Variants in KLF12 observed in about 807,000 individuals in gnomAD.
KLF12 encodes Krueppel-like factor 12.
In KLF12, 9 loss-of-function variants were observed where a neutral mutation model predicts 37.8. The observed-to-expected ratio is 0.24, with a 90% confidence interval of 0.14 to 0.42. The LOEUF (loss-of-function observed/expected upper bound fraction) is 0.42. KLF12 is among the 10% of genes least tolerant of loss of function. The pLI, the probability that KLF12 is intolerant of heterozygous loss-of-function variation, is 1.00. For synonymous variants in KLF12, 208 were observed against 202.1 expected (o/e 1.03, Z -0.25); for missense variants, 411 against 516.0 (o/e 0.80, Z 1.97).
At chr13:73,857,197 A>G (rs1288517124) in intron 3 of KLF12, among the ~76,000 whole-genome samples, 1 of 152,158 alleles carries the variant, frequency 6.6e-6, no homozygotes, top group African/African-American at 2.4e-5. Context: ...AACCATTTCA[A>G]TTTCATGCAA....
chr13:74,207,072 A>T, the KLF12 span, among the ~76,000 whole-genome samples: 2 of 152,172 alleles, frequency 1.3e-5, no homozygotes, highest in Non-Finnish European at 2.9e-5. Flanking sequence ...GTCTACTGTT[A>T]TGTCATCTCA....
intron 1 of KLF12, among the ~76,000 whole-genome samples, chr13:74,072,883 T>C (rs143064409): frequency 6.6e-6 from 1 of 152,268 alleles, no homozygotes; most frequent in African/African-American, 2.4e-5. Context: ...TTGATATGGT[T>C]TTGCTGTGTC....
chr13:74,082,197 G>A (rs998844431), intron 1 of KLF12, among the ~76,000 whole-genome samples: 4 of 139,606 alleles, frequency 2.9e-5, no homozygotes, highest in Admixed American at 1.5e-4. Context: ...GCCAGGTGTG[G>A]TGGTGCGTAC....
At chr13:74,223,971 A>AATGGAGAACT in the KLF12 span, among the ~76,000 whole-genome samples, 1 of 152,214 alleles carries the variant, frequency 6.6e-6, no homozygotes, top group Non-Finnish European at 1.5e-5. Flanking sequence ...TTCATTTGCT[A>AATGGAGAACT]GAAGGGAGAA....
At chr13:73,994,474 A>G (rs9565066) in intron 2 of KLF12, among the ~76,000 whole-genome samples, 5 of 141,888 alleles carry the variant, frequency 3.5e-5, no homozygotes, top group South Asian at 2.2e-4. Context: ...CGCCCCCCCC[A>G]CCACCACACT....
intron 1 of KLF12, among the ~76,000 whole-genome samples, chr13:74,009,226 C>T (rs1186730016): frequency 1.3e-5 from 2 of 152,228 alleles, no homozygotes; most frequent in East Asian, 3.8e-4. Context: ...AGGAATCTAT[C>T]TGTCACTATC....
chr13:74,207,961 T>C, the KLF12 span, among the ~76,000 whole-genome samples: 1 of 152,226 alleles, frequency 6.6e-6, no homozygotes, highest in Non-Finnish European at 1.5e-5. Flanking sequence ...AGATGTATTT[T>C]ACAGATTTTG....
At chr13:73,953,068 A>G (rs553776549) in intron 2 of KLF12, among the ~76,000 whole-genome samples, 3 of 152,340 alleles carry the variant, frequency 2.0e-5, no homozygotes, top group East Asian at 3.9e-4. Flanking sequence ...ATTTTCCACT[A>G]AGGTTAAGAC....
chr13:73,978,580 A>G (rs1470097049), intron 2 of KLF12, among the ~76,000 whole-genome samples: 2 of 152,312 alleles, frequency 1.3e-5, no homozygotes, highest in East Asian at 3.9e-4. Context: ...CTCTTACCTT[A>G]GGATCCACCA....
rs140669808 is a variant in KLF12, at chr13:73,955,508, C to T, written c.34-11438G>A. Among the ~76,000 whole-genome samples the T allele has an allele frequency of 1.2e-4, 19 of 152,290 alleles. 2 individuals are homozygous for T. In the East Asian group the frequency reaches 3.7e-3, roughly 29 times the overall value. On this transcript the variant is annotated intron_variant, in intron 2 of 7. Transcript: ENST00000377669. ...TGTGACGATGTACACACCGATTACA[C>T]AGAAATACAAGTCACTTCATCCTAA...
chr13:73,773,689 G>A (rs181640840), intron 5 of KLF12, among the ~76,000 whole-genome samples: 10 of 152,200 alleles, frequency 6.6e-5, no homozygotes, highest in African/African-American at 2.4e-4. Flanking sequence ...CAGCTCCACT[G>A]TCCCTTTAAT....
intron 1 of KLF12, among the ~76,000 whole-genome samples, chr13:74,011,673 A>G (rs537467094): frequency 6.6e-6 from 1 of 152,326 alleles, no homozygotes; most frequent in African/African-American, 2.4e-5. Context: ...ATGTGTGGGC[A>G]TTGTGTTGTG....
intron 1 of KLF12, among the ~76,000 whole-genome samples, chr13:74,080,159 C>G (rs1488986315): frequency 1.3e-5 from 2 of 152,172 alleles, no homozygotes; most frequent in Non-Finnish European, 2.9e-5. Context: ...AAGTTCCAAG[C>G]CAGGTGTGGT....
chr13:74,225,435 A>C, the KLF12 span, among the ~76,000 whole-genome samples: 1 of 152,196 alleles, frequency 6.6e-6, no homozygotes, highest in South Asian at 2.1e-4. Flanking sequence ...ATAAATCTCT[A>C]AATCTCCATG....
chr13:73,884,389 C>T (rs1261045199), intron 3 of KLF12, among the ~76,000 whole-genome samples: 2 of 152,190 alleles, frequency 1.3e-5, no homozygotes, highest in Non-Finnish European at 2.9e-5. Context: ...TGTCCTGAAT[C>T]TCCCATAGGT....
intron 1 of KLF12, among the ~76,000 whole-genome samples, chr13:74,083,415 G>C (rs1229710915): frequency 6.6e-6 from 1 of 151,846 alleles, no homozygotes; most frequent in African/African-American, 2.4e-5. Context: ...GCTGAGGTGG[G>C]AGGATCACCT....
chr13:73,773,079 T>C (rs1020603765), intron 5 of KLF12, among the ~76,000 whole-genome samples: 1 of 152,164 alleles, frequency 6.6e-6, no homozygotes, highest in Non-Finnish European at 1.5e-5. Context: ...TAAAAAAGAA[T>C]ACAAGTTTTT....
chr13:74,147,458 A>G, the KLF12 span, among the ~76,000 whole-genome samples: 1 of 152,224 alleles, frequency 6.6e-6, no homozygotes, highest in Non-Finnish European at 1.5e-5. Context: ...GTTAATTGGC[A>G]TTGTGAATCT....
At chr13:74,124,649 A>G (rs1398696595) in intron 1 of KLF12, among the ~76,000 whole-genome samples, 2 of 152,136 alleles carry the variant, frequency 1.3e-5, no homozygotes, top group Non-Finnish European at 2.9e-5. Context: ...TCATTATAAC[A>G]CCATATACCC....
Sources: allele counts gnomAD v4.1 joint callset (sites outside exome capture counted in the v4.1 genomes callset), GRCh38; gene constraint gnomAD v4.1.1; transcripts MANE v1.5; gene names NCBI Gene and HGNC (gene_info 2026-07-23, HGNC 2026-07-21).